The following AHI1 variants were observed in gnomAD, a reference collection of about 807,000 sequenced individuals.
AHI1 encodes the protein Abelson helper integration site 1.
Under a neutral mutation model 149.3 loss-of-function variants are expected in AHI1, and 123 were observed. The ratio of observed to expected loss-of-function variants is 0.82; its 90% CI spans 0.71 to 0.96. The LOEUF is 0.96. Ranked by LOEUF, AHI1 falls within the 40% of genes least tolerant of loss-of-function variation. AHI1 has a pLI of 0.00. For synonymous variants in AHI1, 475 were observed against 459.8 expected (o/e 1.03, Z -0.42); for missense variants, 1,439 against 1,422.7 (o/e 1.01, Z -0.18).
At chr6:135,398,631 T>C (rs1489763893) in intron 22 of AHI1, among the ~76,000 whole-genome samples, 1 of 152,206 alleles carries the variant, frequency 6.6e-6, no homozygotes, top group Non-Finnish European at 1.5e-5. Context: ...TCCAGCAATA[T>C]TCTTTAGGGT....
intron 24 of AHI1, among the ~76,000 whole-genome samples, chr6:135,323,944 G>A (rs1787260972): frequency 6.6e-6 from 1 of 152,158 alleles, no homozygotes; most frequent in African/African-American, 2.4e-5. Flanking sequence ...CCTCTTCTTT[G>A]TGTTACAATA....
At chr6:135,382,177 T>C (rs1409892740) in intron 23 of AHI1, among the ~76,000 whole-genome samples, 1 of 152,180 alleles carries the variant, frequency 6.6e-6, no homozygotes, top group Non-Finnish European at 1.5e-5. Flanking sequence ...CAAAAATCTC[T>C]TACATTGTTT....
chr6:135,297,411 A>C (rs765228144), intron 27 of AHI1: 6 of 455,954 alleles, frequency 1.3e-5, no homozygotes, highest in South Asian at 9.3e-5. Context: ...CCCATGAGGC[A>C]GACAAAAACT....
chr6:135,437,573 T>C (rs1583228268), intron 15 of AHI1, among the ~76,000 whole-genome samples: 1 of 152,310 alleles, frequency 6.6e-6, no homozygotes, highest in Middle Eastern at 3.4e-3. Context: ...GCAAGATCAG[T>C]AGAAGAAGTG....
chr6:135,419,759 A>G (rs1782883503), intron 20 of AHI1, among the ~76,000 whole-genome samples: 1 of 152,080 alleles, frequency 6.6e-6, no homozygotes, highest in Non-Finnish European at 1.5e-5. Context: ...GGCTGTGGCA[A>G]TTTACACAAC....
chr6:135,323,203 C>A lies in AHI1; in HGVS notation c.3287G>T (p.Gly1096Val). The A allele has an allele frequency of 6.2e-7, 1 of 1,613,644 alleles. No homozygotes were observed. Among genetic ancestry groups the A allele is most frequent in the Non-Finnish European group, 8.5e-7 (1 of 1,179,696 alleles). The part of the protein sequence containing the change: ...EDWWYGSIGK[G>V]QEGYFPANHV... ...ATTAGCTGGAAAATAACCTTCCTGT[C>A]CCTTTCCTATGCTGCCATACCACCA... is the stretch of plus-strand genomic sequence containing the variant. Residue 1096 changes from glycine to valine, a missense_variant, in exon 25 of 29, where the codon GGA becomes GTA. Coordinates refer to ENST00000265602, the MANE Select transcript of AHI1 (RefSeq NM_001134831.2).
chr6:135,357,186 C>T (rs1386200574), intron 24 of AHI1, among the ~76,000 whole-genome samples: 4 of 152,220 alleles, frequency 2.6e-5, no homozygotes, highest in Non-Finnish European at 5.9e-5. Flanking sequence ...ATCTGCCCGC[C>T]TTGGCCTCCC....
chr6:135,342,467 C>T (rs1296936326), intron 24 of AHI1, among the ~76,000 whole-genome samples: 1 of 151,778 alleles, frequency 6.6e-6, no homozygotes, highest in African/African-American at 2.4e-5. Context: ...ATCAATGTCC[C>T]TTATGAATAC....
Position 135,320,186 on chromosome 6 carries a change from T to C in AHI1, c.3329-1570A>G, listed in dbSNP as rs74516959. 5.7e-4 allele frequency among the ~76,000 whole-genome samples: 87 copies of C among 152,248 alleles called. 2 individuals are homozygous for C. The East Asian group carries it at 0.017, about 29-fold the overall frequency. On this transcript the variant is annotated intron_variant, in intron 25 of 28. Coordinates refer to ENST00000265602, the MANE Select transcript of AHI1 (RefSeq NM_001134831.2). ...AAGGGAAATAACCCCTAATGAAGTG[T>C]GAGAGTTCAATCATTACAGTCGCAG... is the stretch of plus-strand genomic sequence containing the variant.
At position 135,447,000 on chromosome 6, in the gene AHI1, C is replaced by A; in HGVS notation, c.1779+8G>T. The A allele has an allele frequency of 1.2e-6, 2 of 1,604,888 alleles. No individual in the cohort carries two copies. The highest frequency in any genetic ancestry group is 1.7e-5 in the Admixed American group (1 of 58,806). On this transcript the variant is annotated splice_region_variant and intron_variant, in intron 13 of 28. Coordinates refer to ENST00000265602, the MANE Select transcript of AHI1 (RefSeq NM_001134831.2). ...TCTAAATAAATCCACTATTATCAAA[C>A]ACTTCACCTGCCCAGGGAGTCGTTT...
Position 135,455,912 on chromosome 6 carries a change from G to C in AHI1, c.1166C>G (p.Ser389Ter), listed in dbSNP as rs761388040. 3.9e-5 allele frequency: 58 copies of C among 1,492,052 alleles called. No homozygotes were observed. The highest frequency in any genetic ancestry group is 5.0e-5 in the Non-Finnish European group (56 of 1,110,460). The allele number at this position is 1,492,052 out of a possible 1,614,324, so 92.4% of individuals were successfully genotyped here. The stretch of plus-strand genomic sequence containing the variant: ...CACATTCTCTTTTTCATAGTAAGAT[G>C]AAACAGGCCGTCCACTGTACAAAAA... ...VKKDDSGRPV[S>*]SYYEKENVDY... Residue 389 changes from serine to a stop codon, truncating the protein, a stop_gained, in exon 10 of 29, where the codon TCA becomes TGA. Coordinates refer to ENST00000265602, the MANE Select transcript of AHI1 (RefSeq NM_001134831.2). LOFTEE classifies it high-confidence loss of function.
rs1310662258 is a variant in AHI1, at chr6:135,449,419, A to G, written c.1441-944T>C. ...AGAATACGTTCTCTTTCATTAGACC[A>G]TGACTCAAAATAGGAAATGAAACGT... On this transcript the variant is annotated intron_variant, in intron 11 of 28. Coordinates refer to ENST00000265602, the MANE Select transcript of AHI1 (RefSeq NM_001134831.2). Among the ~76,000 whole-genome samples, 5 of 152,162 alleles carry G rather than the reference A, an allele frequency of 3.3e-5. No individual in the cohort carries two copies. The South Asian group carries it at 8.3e-4, about 25-fold the overall frequency.
At position 135,492,128 on chromosome 6, in the gene AHI1, T is replaced by C. The variant is rs923667083; in HGVS notation, c.10+100A>G. The stretch of plus-strand genomic sequence containing the variant: ...AGTATATTTGGTCAATGACATCTAC[T>C]GTATTCATTAATCTGTTCAAGAATC... On this transcript the variant is annotated intron_variant, in intron 4 of 28. Coordinates refer to ENST00000265602, the MANE Select transcript of AHI1 (RefSeq NM_001134831.2). 7.6e-5 allele frequency: 62 copies of C among 813,432 alleles called. No homozygotes were observed. In the Admixed American group the frequency reaches 1.7e-3, roughly 23 times the overall value. 50.4% of individuals were successfully genotyped at this position (813,432 alleles called of 1,614,324 possible).
intron 15 of AHI1, among the ~76,000 whole-genome samples, chr6:135,434,084 A>G (rs1785038414): frequency 6.6e-6 from 1 of 152,064 alleles, no homozygotes. Context: ...ATTTTGTTAA[A>G]TTATCAAAAT....
At chr6:135,348,887 T>C (rs1021985702) in intron 24 of AHI1, among the ~76,000 whole-genome samples, 7 of 152,082 alleles carry the variant, frequency 4.6e-5, no homozygotes, top group Admixed American at 6.6e-5. Flanking sequence ...CTTGAAACAA[T>C]AGAATAATAT....
rs780564321 is a variant in AHI1 at position 135,411,458 on chromosome 6, T to A, written c.2851A>T (p.Thr951Ser). The A allele has an allele frequency of 3.7e-6, 6 of 1,613,526 alleles. No homozygotes were observed. The highest frequency in any genetic ancestry group is 1.3e-5 in the African/African-American group (1 of 74,916). Reference protein sequence around the residue: ...GIHQSQDALCTCPKLPHQGSF... With the variant: ...GIHQSQDALCSCPKLPHQGSF... ...CCTTGATGGGGTAGTTTTGGACAGGTACATAGGGCATCTTGACTTTGGTGT... is the reference window on the plus strand; with the variant it reads ...CCTTGATGGGGTAGTTTTGGACAGGAACATAGGGCATCTTGACTTTGGTGT... The change falls in exon 21 of 29, where the codon ACC (threonine) becomes TCC (serine). Residue 951 changes from threonine (T) to serine (S), a missense_variant. Thr to Ser is a moderately conservative substitution (Grantham distance 58). Coordinates refer to ENST00000265602, the MANE Select transcript of AHI1 (RefSeq NM_001134831.2).
chr6:135,489,763 T>C (rs140547115), intron 5 of AHI1, among the ~76,000 whole-genome samples: 2 of 152,230 alleles, frequency 1.3e-5, no homozygotes, highest in Non-Finnish European at 2.9e-5. Flanking sequence ...TGTTTTTGCC[T>C]CACTTCAGAA....
chr6:135,445,359 T>C (rs1339363096), intron 13 of AHI1, among the ~76,000 whole-genome samples: 2 of 152,212 alleles, frequency 1.3e-5, no homozygotes, highest in African/African-American at 4.8e-5. Flanking sequence ...GTATCAGCAA[T>C]GCTTCTTGCC....
intron 3 of AHI1, chr6:135,492,745 T>A (rs1206215948): frequency 6.1e-6 from 6 of 985,332 alleles, no homozygotes; most frequent in Non-Finnish European, 7.2e-6. Context: ...TGTCTGCCAC[T>A]GAAAATTCTG....
Sources: allele counts gnomAD v4.1 joint callset (sites outside exome capture counted in the v4.1 genomes callset), GRCh38; gene constraint gnomAD v4.1.1; transcripts MANE v1.5; gene names NCBI Gene and HGNC (gene_info 2026-07-23, HGNC 2026-07-21).